DAB1: variants seen among roughly 807,000 people sequenced by gnomAD.
DAB1 encodes DAB adaptor protein 1.
In DAB1, 15 loss-of-function variants were observed where a neutral mutation model predicts 64.6. The ratio of observed to expected loss-of-function variants is 0.23; its 90% CI spans 0.16 to 0.36. DAB1 has a LOEUF of 0.36. Ranked by LOEUF, DAB1 falls within the 10% of genes least tolerant of loss-of-function variation. The pLI is 1.00. For synonymous variants in DAB1, 235 were observed against 251.9 expected, an observed-to-expected ratio of 0.93 and a Z score of 0.64; for missense variants, 596 against 706.7, an observed-to-expected ratio of 0.84 and a Z score of 1.78.
At chr1:57,681,782 T>C (rs1646638788) in intron 6 of DAB1, among the ~76,000 whole-genome samples, 1 of 152,166 alleles carries the variant, frequency 6.6e-6, no homozygotes, top group Admixed American at 6.5e-5. Context: ...TCCTGAAAGT[T>C]TCCATGCTTG....
chr1:57,097,759 TATTATTA>T (rs1654298338), intron 4 of DAB1, among the ~76,000 whole-genome samples: 5 of 116,980 alleles, frequency 4.3e-5, no homozygotes, highest in Non-Finnish European at 9.0e-5. Context: ...TTTTTATTTT[TATTATTA>T]TTTATTTATT....
At chr1:58,277,621 G>A (rs1417609937) in intron 4 of DAB1, among the ~76,000 whole-genome samples, 1 of 152,088 alleles carries the variant, frequency 6.6e-6, no homozygotes, top group Non-Finnish European at 1.5e-5. Flanking sequence ...CCATTGCTCT[G>A]GGAACTCAGT....
chr1:58,517,984 C>A (rs951611084), intron 2 of DAB1, among the ~76,000 whole-genome samples: 2 of 151,084 alleles, frequency 1.3e-5, no homozygotes, highest in Non-Finnish European at 2.9e-5. Flanking sequence ...GTTGGGAGTT[C>A]GAGACCAGCC....
intron 4 of DAB1, chr1:58,228,589 T>A: frequency 1.9e-6 from 1 of 523,012 alleles, no homozygotes; most frequent in Non-Finnish European, 3.4e-6. Flanking sequence ...AAGCCCTGCA[T>A]CTAGGGCTTT....
intron 2 of DAB1, among the ~76,000 whole-genome samples, chr1:57,290,202 G>A (rs1275214839): frequency 6.6e-6 from 1 of 151,934 alleles, no homozygotes; most frequent in East Asian, 1.9e-4. Context: ...TCCCCCAGGA[G>A]GCTCCCCTAA....
At chr1:57,337,028 T>C (rs750402566) in intron 1 of DAB1, among the ~76,000 whole-genome samples, 16 of 152,136 alleles carry the variant, frequency 1.1e-4, no homozygotes, top group Non-Finnish European at 1.5e-4. Flanking sequence ...TGACACTGAT[T>C]CTTCAACTGT....
chr1:57,001,291 T>TTTGA (rs1421946328), intron 14 of DAB1, among the ~76,000 whole-genome samples: 1 of 146,928 alleles, frequency 6.8e-6, no homozygotes, highest in Admixed American at 6.7e-5. Context: ...TGTTGATGTT[T>TTTGA]TTGTTTGTTT....
chr1:58,434,209 G>A (rs1644915825), intron 3 of DAB1, among the ~76,000 whole-genome samples: 1 of 152,136 alleles, frequency 6.6e-6, no homozygotes, highest in African/African-American at 2.4e-5. Context: ...GAGAACAGAC[G>A]TTAAGGGGCA....
chr1:57,974,497 T>G (rs554912737), intron 5 of DAB1, among the ~76,000 whole-genome samples: 7 of 151,878 alleles, frequency 4.6e-5, no homozygotes, highest in East Asian at 3.9e-4. Flanking sequence ...GTTATATATA[T>G]ATAGATATAT....
intron 6 of DAB1, among the ~76,000 whole-genome samples, chr1:57,805,437 T>C (rs1651317215): frequency 6.6e-6 from 1 of 152,228 alleles, no homozygotes; most frequent in African/African-American, 2.4e-5. Flanking sequence ...CTTTGCAGTT[T>C]TCTGTGCTTT....
At chr1:58,238,119 A>T (rs1488346108) in intron 4 of DAB1, among the ~76,000 whole-genome samples, 2 of 152,218 alleles carry the variant, frequency 1.3e-5, no homozygotes, top group Non-Finnish European at 2.9e-5. Context: ...GAATTGTGCT[A>T]GCTATCGGGA....
chr1:57,947,689 C>T (rs1645204545), intron 5 of DAB1, among the ~76,000 whole-genome samples: 1 of 152,164 alleles, frequency 6.6e-6, no homozygotes, highest in South Asian at 2.1e-4. Context: ...AACTAAGGCC[C>T]TCAGTGTGCC....
chr1:57,434,914 G>T (rs1356578924), intron 7 of DAB1, among the ~76,000 whole-genome samples: 2 of 152,166 alleles, frequency 1.3e-5, no homozygotes, highest in African/African-American at 2.4e-5. Flanking sequence ...GGATGAGTCA[G>T]TGAGTAAGTG....
intron 5 of DAB1, among the ~76,000 whole-genome samples, chr1:58,029,134 C>A (rs1456887541): frequency 6.6e-6 from 1 of 152,180 alleles, no homozygotes; most frequent in African/African-American, 2.4e-5. Context: ...TGAACTCCCT[C>A]ATTCTCCCAC....
chr1:57,012,106 A>G (rs1646284851), intron 12 of DAB1, among the ~76,000 whole-genome samples: 1 of 152,212 alleles, frequency 6.6e-6, no homozygotes, highest in Admixed American at 6.5e-5. Context: ...CTAATTTGTC[A>G]CTGAAAATAC....
At chr1:57,904,214 G>A (rs113053995) in intron 5 of DAB1, among the ~76,000 whole-genome samples, 5 of 152,174 alleles carry the variant, frequency 3.3e-5, no homozygotes, top group Non-Finnish European at 5.9e-5. Flanking sequence ...TATCAGGGAC[G>A]TACCATGCTT....
At chr1:57,586,112 G>C (rs943112656) in intron 7 of DAB1, among the ~76,000 whole-genome samples, 1 of 152,018 alleles carries the variant, frequency 6.6e-6, no homozygotes, top group African/African-American at 2.4e-5. Context: ...ATGATCTAGT[G>C]GGGGAAAAAA....
At chr1:57,960,333 A>G (rs1645488164) in intron 5 of DAB1, among the ~76,000 whole-genome samples, 1 of 152,184 alleles carries the variant, frequency 6.6e-6, no homozygotes. Context: ...AAAGACAGAT[A>G]ATAACTGTTT....
At chr1:57,276,799 T>A (rs1671505330) in intron 2 of DAB1, among the ~76,000 whole-genome samples, 1 of 152,250 alleles carries the variant, frequency 6.6e-6, no homozygotes, top group South Asian at 2.1e-4. Context: ...CTCTGCTAAG[T>A]GATTTCAACT....
Sources: gnomAD v4.1 joint callset for allele counts (sites outside exome capture counted in the v4.1 genomes callset) on GRCh38, gnomAD v4.1.1 for gene constraint, MANE v1.5 for transcripts, NCBI Gene and HGNC (gene_info 2026-07-23, HGNC 2026-07-21) for gene names.